The following SLC14A2 variants were observed in gnomAD, a reference collection of about 807,000 sequenced individuals.
SLC14A2 encodes the protein urea transporter 2.
In SLC14A2, 91 loss-of-function variants were observed where a neutral mutation model predicts 104.6. The ratio of observed to expected loss-of-function variants is 0.87; its 90% CI spans 0.73 to 1.04. The LOEUF is 1.04. Among genes scored for constraint, SLC14A2 ranks in the 50% least tolerant of loss-of-function variants. SLC14A2 has a pLI of 0.00. For missense variants in SLC14A2, 1,189 were observed against 1,156.0 expected (o/e 1.03, Z -0.41); for synonymous variants, 476 against 466.4 (o/e 1.02, Z -0.27).
intron 1 of SLC14A2, among the ~76,000 whole-genome samples, chr18:45,323,710 C>G (rs1054639066): frequency 1.3e-5 from 2 of 152,178 alleles, no homozygotes; most frequent in Non-Finnish European, 2.9e-5. Context: ...AGCATCCTAG[C>G]ACTTCCTGTG....
At chr18:45,359,484 C>A (rs2085589424) in intron 1 of SLC14A2, among the ~76,000 whole-genome samples, 1 of 152,234 alleles carries the variant, frequency 6.6e-6, no homozygotes. Flanking sequence ...CAGGCCCAGG[C>A]TGCATTCCTC....
At chr18:45,336,014 T>G (rs2085334939) in intron 1 of SLC14A2, among the ~76,000 whole-genome samples, 1 of 152,116 alleles carries the variant, frequency 6.6e-6, no homozygotes, top group South Asian at 2.1e-4. Flanking sequence ...CTGGTTGGAA[T>G]GAGAGAGGCT....
chr18:45,405,531 T>C (rs911741813), intron 1 of SLC14A2, among the ~76,000 whole-genome samples: 1 of 152,148 alleles, frequency 6.6e-6, no homozygotes, highest in Non-Finnish European at 1.5e-5. Context: ...TATATTGTAG[T>C]CTATTAAGTG....
chr18:45,172,822 C>A, the SLC14A2 span, among the ~76,000 whole-genome samples: 1 of 151,974 alleles, frequency 6.6e-6, no homozygotes, highest in African/African-American at 2.4e-5. Context: ...GAATTGCATC[C>A]CCAACACAAA....
intron 2 of SLC14A2, among the ~76,000 whole-genome samples, chr18:45,530,085 A>G (rs921476772): frequency 5.9e-5 from 9 of 152,160 alleles, no homozygotes; most frequent in African/African-American, 2.2e-4. Flanking sequence ...ATACAAGTGA[A>G]TTTCCTAGAA....
At chr18:45,568,233 C>T (rs1326088923) in intron 2 of SLC14A2, among the ~76,000 whole-genome samples, 1 of 152,216 alleles carries the variant, frequency 6.6e-6, no homozygotes, top group East Asian at 1.9e-4. Context: ...CCCGCCTCAC[C>T]TCACCCACCT....
At chr18:45,212,511 G>T (rs1270746086), upstream of SLC14A2, among the ~76,000 whole-genome samples, 1 of 152,146 alleles carries the variant, frequency 6.6e-6, no homozygotes, top group African/African-American at 2.4e-5. Flanking sequence ...AAAAGGTCTG[G>T]CATACAGTAC....
At chr18:45,411,741 A>T (rs2542968) in intron 1 of SLC14A2, among the ~76,000 whole-genome samples, 151,480 of 152,236 alleles carry the variant, frequency 1, 75,367 homozygotes, top group Middle Eastern at 1. Flanking sequence ...TGAATGTCAG[A>T]TAAAGCCACC....
chr18:45,666,337 T>A, intron 12 of SLC14A2, 118 bp downstream of exon 12: 1 of 661,600 alleles, frequency 1.5e-6, no homozygotes. Context: ...TTTCTTGCAT[T>A]CGTATTTTCT....
At chr18:45,578,989 G>C (rs2044452861) in intron 2 of SLC14A2, among the ~76,000 whole-genome samples, 1 of 152,208 alleles carries the variant, frequency 6.6e-6, no homozygotes, top group African/African-American at 2.4e-5. Context: ...TGGCTGTGAT[G>C]AATCAGCTGA....
rs375269630 is a variant in SLC14A2, at chr18:45,637,098, C to G, written c.759C>G (p.His253Gln). 32 of 1,614,104 alleles carry G rather than the reference C, an allele frequency of 2.0e-5. No individual in the cohort carries two copies. In the African/African-American group the frequency reaches 4.0e-4, roughly 20 times the overall value. ...AVTLYLAATG[H>Q]YNLFFPTTLV... ...CCTTGTACCTTGCAGCCACAGGCCA[C>G]TACAACCTCTTCTTCCCCACAACAC... Residue 253 changes from histidine to glutamine, a missense_variant, in exon 6 of 20, where the codon CAC (histidine) becomes CAG (glutamine). By Grantham distance (24) the His-to-Gln change is conservative. Coordinates refer to ENST00000255226, the MANE Select transcript of SLC14A2 (RefSeq NM_007163.4).
At chr18:45,410,905 T>G (rs2086207940) in intron 1 of SLC14A2, among the ~76,000 whole-genome samples, 1 of 152,252 alleles carries the variant, frequency 6.6e-6, no homozygotes, top group Non-Finnish European at 1.5e-5. Flanking sequence ...CAAGCTACTG[T>G]GTATAATTAT....
chr18:45,597,204 G>A (rs994571381), intron 2 of SLC14A2, among the ~76,000 whole-genome samples: 1 of 152,176 alleles, frequency 6.6e-6, no homozygotes, highest in East Asian at 1.9e-4. Flanking sequence ...GTGTGTGCCT[G>A]TAGTCCCAGC....
intron 1 of SLC14A2, among the ~76,000 whole-genome samples, chr18:45,288,757 A>T (rs2084840366): frequency 6.6e-6 from 1 of 152,174 alleles, no homozygotes; most frequent in Non-Finnish European, 1.5e-5. Context: ...GACAACCTGC[A>T]CTTTTCCTCT....
chr18:45,262,243 C>T (rs533176242), intron 1 of SLC14A2, among the ~76,000 whole-genome samples: 6 of 152,208 alleles, frequency 3.9e-5, no homozygotes, highest in African/African-American at 1.2e-4. Context: ...TTTAAGACAG[C>T]CTTATGAGGT....
intron 1 of SLC14A2, among the ~76,000 whole-genome samples, chr18:45,338,204 T>A (rs1188593395): frequency 1.3e-5 from 2 of 152,100 alleles, no homozygotes; most frequent in Non-Finnish European, 2.9e-5. Flanking sequence ...GTTTGTTTGT[T>A]TTTTGATTTT....
intron 2 of SLC14A2, among the ~76,000 whole-genome samples, chr18:45,487,406 C>T (rs931570358): frequency 2.0e-5 from 3 of 152,186 alleles, no homozygotes; most frequent in Admixed American, 6.5e-5. Context: ...TAATTACATC[C>T]GCAAAGTCCC....
intron 1 of SLC14A2, among the ~76,000 whole-genome samples, chr18:45,425,282 G>A (rs2086408332): frequency 6.6e-6 from 1 of 152,178 alleles, no homozygotes; most frequent in African/African-American, 2.4e-5. Context: ...TAAGAGATAT[G>A]TAACAATTCT....
In SLC14A2 at chr18:45,669,330, T is replaced by G. The variant is rs60610960; in HGVS notation, c.2061T>G (p.Gly687=). The change falls in exon 16 of 20, where the codon GGT becomes GGG. Residue 687 remains glycine (G), a synonymous_variant. Coordinates refer to ENST00000255226, the MANE Select transcript of SLC14A2 (RefSeq NM_007163.4). The part of the protein sequence containing the change: ...MSCPILSSAL[G]TIFSKWDLPV... ...GCCCCATCCTCTCCAGTGCCCTGGGTACCATCTTCAGCAAGTGGGACCTCC... is the reference window on the plus strand; with the variant it reads ...GCCCCATCCTCTCCAGTGCCCTGGGGACCATCTTCAGCAAGTGGGACCTCC... 1 of 1,613,720 alleles carries G rather than the reference T, an allele frequency of 6.2e-7. No individual in the cohort carries two copies.
Sources: gnomAD v4.1 joint callset for allele counts (sites outside exome capture counted in the v4.1 genomes callset) on GRCh38, gnomAD v4.1.1 for gene constraint, MANE v1.5 for transcripts, NCBI Gene and HGNC (gene_info 2026-07-23, HGNC 2026-07-21) for gene names.